SHPRH: variants seen among roughly 807,000 people sequenced by gnomAD.
The protein encoded by SHPRH is E3 ubiquitin-protein ligase SHPRH.
Under a neutral mutation model 202.5 loss-of-function variants are expected in SHPRH, and 106 were observed. The observed-to-expected ratio is 0.52, with a 90% CI of 0.45 to 0.62. SHPRH has a LOEUF of 0.62. Ranked by LOEUF, SHPRH falls within the 20% of genes least tolerant of loss-of-function variation. The pLI is 0.00. For synonymous variants in SHPRH, 729 were observed against 686.0 expected, an observed-to-expected ratio of 1.06 and a Z score of -0.98; for missense variants, 1,710 against 2,020.0, an observed-to-expected ratio of 0.85 and a Z score of 2.94.
chr6:145,924,944 T>C, intron 16 of SHPRH, 98 bp from the exon 17 acceptor site: 1 of 855,408 alleles, frequency 1.2e-6, no homozygotes, highest in Non-Finnish European at 1.8e-6. Context: ...CATTTAAAGC[T>C]ACTTAACTGC....
chr6:145,934,512 A>AAAATAAAATAAAATAAAAT (rs1785849789), intron 13 of SHPRH, among the ~76,000 whole-genome samples: 5 of 53,292 alleles, frequency 9.4e-5, no homozygotes, highest in Admixed American at 3.9e-4. Context: ...TAAAATAAAA[A>AAAATAAAATAAAATAAAAT]GTAGCTGGCT....
At chr6:145,898,025 A>C (rs1490950857) in intron 25 of SHPRH, among the ~76,000 whole-genome samples, 1 of 152,132 alleles carries the variant, frequency 6.6e-6, no homozygotes, top group Non-Finnish European at 1.5e-5. Flanking sequence ...GCAATTAGGC[A>C]AGAAAAAGAA....
In SHPRH at chr6:145,927,232, G is replaced by A. The variant is rs750621653; in HGVS notation, c.3158C>T (p.Ser1053Phe). 5 of 1,612,070 alleles carry A rather than the reference G, an allele frequency of 3.1e-6. No homozygotes were observed. Among genetic ancestry groups the A allele is most frequent in the South Asian group, 2.2e-5 (2 of 91,006 alleles). Reference sequence around the variant, plus strand: ...GAGTTTTCCTTTGTGTTCCTCCGAGGAGCGCAACACTTCTCTGTACAATTC... The same window carrying A: ...GAGTTTTCCTTTGTGTTCCTCCGAGAAGCGCAACACTTCTCTGTACAATTC... ...AAELYREVLR[S>F]SEEHKGKLKT... is the part of the protein sequence containing the mutation. Residue 1053 changes from serine to phenylalanine, a missense_variant, in exon 15 of 30, where the codon TCC becomes TTC. Physicochemically the swap from Ser to Phe is radical, Grantham distance 155. Transcript: ENST00000275233.
intron 4 of SHPRH, among the ~76,000 whole-genome samples, chr6:145,949,003 AATAG>A (rs1486722350): frequency 2.6e-5 from 4 of 152,068 alleles, no homozygotes; most frequent in East Asian, 1.9e-4. Flanking sequence ...TTTAGAGATT[AATAG>A]ATATTTTATA....
chr6:145,943,142 C>A lies in SHPRH; in HGVS notation c.2238+1G>T. On this transcript the variant is annotated splice_donor_variant, in intron 9 of 29. Coordinates refer to ENST00000275233, the MANE Select transcript of SHPRH (RefSeq NM_001042683.3). LOFTEE classifies it high-confidence loss of function. ...TCCCTCTTTAGTCCAAGTGGCCTTA[C>A]CAAGACTCGAAGAGATGACGACCTC... 1 of 1,579,106 alleles carries A rather than the reference C, an allele frequency of 6.3e-7. No homozygotes were observed. Among genetic ancestry groups the A allele is most frequent in the South Asian group, 1.2e-5 (1 of 85,016 alleles).
intron 2 of SHPRH, among the ~76,000 whole-genome samples, chr6:145,874,492 G>A (rs541858427): frequency 3.9e-5 from 6 of 151,932 alleles, no homozygotes; most frequent in Admixed American, 1.3e-4. Context: ...CTTTATTAAG[G>A]TATAATTGAC....
rs1399465828 is a variant in SHPRH, at chr6:145,910,819, G to C, written c.4327-183C>G. The stretch of plus-strand genomic sequence containing the variant: ...CCAAAGTAAGTTTTCATAATCTTTA[G>C]TTCTGTTTATCCTAAAAGTGAGTAT... On this transcript the variant is annotated intron_variant, in intron 24 of 29. Coordinates refer to ENST00000275233, the MANE Select transcript of SHPRH (RefSeq NM_001042683.3). Among the ~76,000 whole-genome samples, 5 of 152,046 alleles carry C rather than the reference G, an allele frequency of 3.3e-5. No individual in the cohort carries two copies. In the South Asian group the frequency reaches 1.0e-3, roughly 32 times the overall value.
chr6:145,904,201 CTA>C (rs1294606286), intron 25 of SHPRH: 14 of 151,876 alleles, frequency 9.2e-5, no homozygotes, highest in Non-Finnish European at 1.8e-4. Flanking sequence ...ATATGGTTTG[CTA>C]TGTCTGAGAA....
In SHPRH at chr6:145,950,427, A is replaced by T; in HGVS notation, c.819T>A (p.Ile273=). 1 of 1,613,196 alleles carries T rather than the reference A, an allele frequency of 6.2e-7. No homozygotes were observed. Among genetic ancestry groups the T allele is most frequent in the Non-Finnish European group, 8.5e-7 (1 of 1,179,376 alleles). Residue 273 remains isoleucine (I), a synonymous_variant, in exon 4 of 30, where the codon ATT becomes ATA. Coordinates refer to ENST00000275233, the MANE Select transcript of SHPRH (RefSeq NM_001042683.3). ...DPESEPEGQD[I]DELYHFVKQT... ...GTTTCACAAAGTGATACAGCTCGTC[A>T]ATGTCTTGTCCCTCTGGCTCACTCT...
intron 7 of SHPRH, 100 bp from the exon 8 acceptor site, chr6:145,945,737 G>A (rs2128788423): frequency 4.8e-6 from 6 of 1,245,164 alleles, no homozygotes; most frequent in South Asian, 4.0e-5. Context: ...AGTTAAGAAA[G>A]AAATAAATCA....
intron 25 of SHPRH, among the ~76,000 whole-genome samples, chr6:145,898,323 T>A (rs1782190300): frequency 6.6e-6 from 1 of 152,026 alleles, no homozygotes; most frequent in Admixed American, 6.6e-5. Flanking sequence ...GAAACATTAA[T>A]AAAAAAATTA....
chr6:145,959,680 G>A (rs1292801794), intron 1 of SHPRH, among the ~76,000 whole-genome samples: 1 of 152,176 alleles, frequency 6.6e-6, no homozygotes, highest in African/African-American at 2.4e-5. Flanking sequence ...CTACTGTACT[G>A]GACAGCACAA....
intron 15 of SHPRH, 139 bp downstream of exon 15, chr6:145,927,050 C>A: frequency 1.4e-6 from 1 of 718,524 alleles, no homozygotes; most frequent in Non-Finnish European, 2.3e-6. Context: ...ATCTAAAATG[C>A]TTATTGAGAA....
Position 145,864,359 on chromosome 6 carries a change from A to C in SHPRH, c.354T>G (p.Asn118Lys), listed in dbSNP as rs546113045. 7.2e-5 allele frequency: 30 copies of C among 416,502 alleles called. No homozygotes were observed. In the East Asian group the frequency reaches 2.2e-3, roughly 30 times the overall value. The allele number at this position is 416,502 out of a possible 1,614,324, so 25.8% of individuals were successfully genotyped here. A position where few individuals can be genotyped will look rare whatever the true frequency, so the allele number is the denominator to read the frequency against. Reference sequence around the variant, plus strand: ...AAGATGATAAAAAACAAATCAAAAAATTTTTAAAGTAAATAAAAAACAACT... The same window carrying C: ...AAGATGATAAAAAACAAATCAAAAACTTTTTAAAGTAAATAAAAAACAACT... The change falls in exon 3 of 3, where the codon AAT (asparagine) becomes AAG (lysine). Residue 118 changes from asparagine (N) to lysine (K), a missense_variant. Physicochemically the swap from Asn to Lys is moderately conservative, Grantham distance 94. Coordinates refer to the SHPRH transcript ENST00000417762.
downstream of SHPRH, among the ~76,000 whole-genome samples, chr6:145,860,825 G>C (rs556701017): frequency 1.6e-4 from 24 of 152,196 alleles, no homozygotes; most frequent in African/African-American, 5.3e-4. Flanking sequence ...ACAGAATAGA[G>C]AGCCCAGAAA....
At chr6:145,916,922 A>C (rs1192169658) in intron 23 of SHPRH, among the ~76,000 whole-genome samples, 1 of 152,026 alleles carries the variant, frequency 6.6e-6, no homozygotes, top group Non-Finnish European at 1.5e-5. Flanking sequence ...ACTGGATTAC[A>C]GGCGTGTGCT....
chr6:145,900,848 A>AT (rs750633269), intron 25 of SHPRH, among the ~76,000 whole-genome samples: 17 of 152,010 alleles, frequency 1.1e-4, no homozygotes, highest in Non-Finnish European at 2.4e-4. Context: ...CTGTATTGTG[A>AT]TTTTTTATTG....
At chr6:145,866,249 T>G (rs564317840) in intron 2 of SHPRH, among the ~76,000 whole-genome samples, 1 of 152,388 alleles carries the variant, frequency 6.6e-6, no homozygotes, top group African/African-American at 2.4e-5. Flanking sequence ...CTTCCCTCAT[T>G]GAATGTGTTA....
intron 14 of SHPRH, among the ~76,000 whole-genome samples, chr6:145,929,089 C>A (rs1387678272): frequency 6.6e-6 from 1 of 151,674 alleles, no homozygotes; most frequent in African/African-American, 2.4e-5. Flanking sequence ...TAATGTAAAG[C>A]AGCTGAATTT....
Sources: allele counts gnomAD v4.1 joint callset (sites outside exome capture counted in the v4.1 genomes callset), GRCh38; gene constraint gnomAD v4.1.1; transcripts MANE v1.5; gene names NCBI Gene and HGNC (gene_info 2026-07-23, HGNC 2026-07-21).